Variants in APMAP observed in about 807,000 individuals in gnomAD.
APMAP encodes adipocyte plasma membrane-associated protein.
A neutral mutation model predicts 43.6 loss-of-function variants in APMAP; 33 were observed. The ratio of observed to expected loss-of-function variants is 0.76; its 90% CI spans 0.57 to 1.01. APMAP has a LOEUF of 1.01. Among genes scored for constraint, APMAP ranks in the 50% least tolerant of loss-of-function variants. The pLI, the probability that APMAP is intolerant of heterozygous loss-of-function variation, is 0.00. For synonymous variants in APMAP, 224 were observed against 216.7 expected (o/e 1.03, Z -0.30); for missense variants, 498 against 540.7 (o/e 0.92, Z 0.78).
intron 1 of APMAP, among the ~76,000 whole-genome samples, chr20:24,986,675 A>G (rs529561578): frequency 3.9e-5 from 6 of 152,346 alleles, no homozygotes; most frequent in Admixed American, 3.9e-4. Context: ...AGAGTATGCC[A>G]AGAAATGTGC....
intron 1 of APMAP, among the ~76,000 whole-genome samples, chr20:24,985,992 G>C (rs965051187): frequency 6.6e-6 from 1 of 152,180 alleles, no homozygotes; most frequent in African/African-American, 2.4e-5. Flanking sequence ...GCGTCCTGCA[G>C]TTATGTGAAA....
At chr20:24,967,896 C>T (rs2087959643) in intron 8 of APMAP, among the ~76,000 whole-genome samples, 1 of 152,222 alleles carries the variant, frequency 6.6e-6, no homozygotes. Flanking sequence ...ACTTCCCACA[C>T]AGCGACCCAC....
intron 6 of APMAP, 105 bp downstream of exon 6, chr20:24,970,092 T>C (rs2087985421): frequency 2.2e-6 from 3 of 1,392,348 alleles, no homozygotes; most frequent in Admixed American, 2.0e-5. Context: ...AGCTGAAATA[T>C]GATGCTGGAA....
In APMAP at chr20:24,969,631, T is replaced by TC; in HGVS notation, c.742dup (p.Glu248GlyfsTer48). ...CAGCTGGTCCAATAAAACTTTTACT[T>TC]CCCTGGTCACAGTATCATACTCCAG... is the stretch of plus-strand genomic sequence containing the variant. On this transcript the variant is annotated frameshift_variant, in exon 7 of 9. Transcript: ENST00000217456. LOFTEE classifies it high-confidence loss of function. 6.2e-7 allele frequency: 1 copy of TC among 1,613,854 alleles called. No individual in the cohort carries two copies. Among genetic ancestry groups the TC allele is most frequent in the Non-Finnish European group, 8.5e-7 (1 of 1,179,804 alleles).
intron 7 of APMAP, 21 bp downstream of exon 7, chr20:24,969,505 C>T (rs777347490): frequency 2.5e-6 from 4 of 1,593,598 alleles, no homozygotes; most frequent in Non-Finnish European, 3.4e-6. Flanking sequence ...TAACTGATGG[C>T]TCAGCTAATC....
chr20:24,992,744 C>G lies in APMAP; in HGVS notation c.-56G>C, dbSNP rs1342433455. 2.2e-6 allele frequency: 3 copies of G among 1,349,296 alleles called. No homozygotes were observed. The highest frequency in any genetic ancestry group is 5.2e-4 in the Middle Eastern group (2 of 3,868). The allele number at this position is 1,349,296 out of a possible 1,614,324, so 83.6% of individuals were successfully genotyped here. On this transcript the variant is annotated 5_prime_UTR_variant, in exon 1 of 9. Transcript: ENST00000217456. The stretch of plus-strand genomic sequence containing the variant: ...CACCTCACACTGAGCGGCGCCGGCT[C>G]AGACTCCAGGCCCGCCCTCCCCCGT...
At chr20:24,965,564 G>A (rs935653636) in intron 8 of APMAP, among the ~76,000 whole-genome samples, 2 of 152,136 alleles carry the variant, frequency 1.3e-5, no homozygotes, top group African/African-American at 2.4e-5. Flanking sequence ...GGGCCCACAC[G>A]GGGTGAGGAG....
At chr20:24,977,423 T>C (rs1246800480) in intron 3 of APMAP, among the ~76,000 whole-genome samples, 5 of 152,204 alleles carry the variant, frequency 3.3e-5, no homozygotes, top group Non-Finnish European at 7.3e-5. Flanking sequence ...AAATAAAGCC[T>C]GCTATAGTTG....
chr20:24,971,317 AT>A, intron 5 of APMAP, 142 bp downstream of exon 5: 1 of 707,386 alleles, frequency 1.4e-6, no homozygotes, highest in East Asian at 2.9e-5. Flanking sequence ...TTTGCAGGCA[AT>A]GTTTTCAGTA....
At chr20:24,964,428 T>G (rs982256077) in intron 8 of APMAP, 1 of 456,646 alleles carries the variant, frequency 2.2e-6, no homozygotes, top group Non-Finnish European at 4.5e-6. Context: ...TGTTTAGATT[T>G]AAAACATTTC....
intron 2 of APMAP, among the ~76,000 whole-genome samples, chr20:24,979,978 C>T (rs8183891): frequency 0.49 from 73,856 of 151,928 alleles, 19,330 homozygotes; most frequent in East Asian, 0.92. Context: ...TATCCGATAC[C>T]TCCCCCGAAC....
At chr20:24,975,546 T>G (rs1021899528) in intron 3 of APMAP, among the ~76,000 whole-genome samples, 4 of 152,208 alleles carry the variant, frequency 2.6e-5, no homozygotes, top group African/African-American at 9.6e-5. Context: ...TGGAGAGATA[T>G]TCCATGTTCA....
At chr20:24,968,596 G>A (rs2087967001) in intron 8 of APMAP, among the ~76,000 whole-genome samples, 1 of 146,808 alleles carries the variant, frequency 6.8e-6, no homozygotes, top group Non-Finnish European at 1.5e-5. Context: ...CCACGATGGT[G>A]AGGGTGGCAA....
chr20:24,970,133 TCTG>T, intron 6 of APMAP, 61 bp downstream of exon 6: 2 of 1,577,754 alleles, frequency 1.3e-6, no homozygotes, highest in Non-Finnish European at 1.7e-6. Context: ...AGTAACAGGC[TCTG>T]CTGAAGCAAC....
At chr20:24,990,398 T>C (rs540781491) in intron 1 of APMAP, among the ~76,000 whole-genome samples, 44 of 152,270 alleles carry the variant, frequency 2.9e-4, no homozygotes, top group African/African-American at 1.0e-3. Flanking sequence ...ATAAACCACC[T>C]CACACACATA....
At chr20:24,988,705 C>G (rs2088167869) in intron 1 of APMAP, among the ~76,000 whole-genome samples, 1 of 152,222 alleles carries the variant, frequency 6.6e-6, no homozygotes, top group African/African-American at 2.4e-5. Context: ...CAGCTGGACA[C>G]CACTAACTCT....
intron 3 of APMAP, 22 bp downstream of exon 3, chr20:24,978,745 C>G (rs376804461): frequency 6.0e-6 from 8 of 1,343,130 alleles, no homozygotes; most frequent in African/African-American, 4.6e-5. Context: ...AAGGCTCCCC[C>G]CCCACCCAAG....
chr20:24,992,675 T>G lies in APMAP; in HGVS notation c.14A>C (p.Asp5Ala), dbSNP rs1042736623. ...CAGGGGCCGGCGCTGTCGCAGCCCG[T>G]CCGCCTCGCTCATGGTACGGGCGCC... MSEADGLRQRRPLRP... is the reference protein window; with the variant it reads MSEAAGLRQRRPLRP... Residue 5 changes from aspartate to alanine, a missense_variant, in exon 1 of 9, where the codon GAC becomes GCC. Asp to Ala is a moderately radical substitution (Grantham distance 126). Transcript: ENST00000217456. 12 of 1,534,510 alleles carry G rather than the reference T, an allele frequency of 7.8e-6. No individual in the cohort carries two copies. In the African/African-American group the frequency reaches 1.5e-4, roughly 19 times the overall value.
chr20:24,969,357 G>A (rs2087977310), intron 7 of APMAP, among the ~76,000 whole-genome samples, 169 bp downstream of exon 7: 1 of 152,224 alleles, frequency 6.6e-6, no homozygotes, highest in Non-Finnish European at 1.5e-5. Flanking sequence ...CTTCCGGACT[G>A]CGACTCGCAA....
Sources: allele counts gnomAD v4.1 joint callset (sites outside exome capture counted in the v4.1 genomes callset), GRCh38; gene constraint gnomAD v4.1.1; transcripts MANE v1.5; gene names NCBI Gene and HGNC (gene_info 2026-07-23, HGNC 2026-07-21).